The following AANAT variants were observed in gnomAD, a reference collection of about 807,000 sequenced individuals.
AANAT encodes aralkylamine N-acetyltransferase, also known as serotonin N-acetyltransferase.
AANAT carries 11 observed loss-of-function variants against 15.6 expected under a neutral mutation model. The ratio of observed to expected loss-of-function variants is 0.71; its 90% CI spans 0.44 to 1.17. AANAT has a LOEUF of 1.17. Among genes scored for constraint, AANAT ranks in the 50% most tolerant of loss-of-function variants. The pLI is 0.00. For synonymous variants in AANAT, 139 were observed against 131.5 expected, an observed-to-expected ratio of 1.06 and a Z score of -0.39; for missense variants, 286 against 296.3, an observed-to-expected ratio of 0.97 and a Z score of 0.26.
At chr17:76,458,507 G>A (rs750039370) in intron 1 of AANAT, among the ~76,000 whole-genome samples, 5 of 152,184 alleles carry the variant, frequency 3.3e-5, no homozygotes, top group African/African-American at 9.7e-5. Flanking sequence ...CCAGCCTTTC[G>A]TGGGGAATAG....
upstream of AANAT, among the ~76,000 whole-genome samples, chr17:76,465,036 A>T (rs565718509): frequency 6.6e-6 from 1 of 151,910 alleles, no homozygotes; most frequent in Non-Finnish European, 1.5e-5. Context: ...ACCTCAGGTG[A>T]TCCACCCGCC....
intron 1 of AANAT, among the ~76,000 whole-genome samples, chr17:76,457,406 G>A (rs1032582328): frequency 1.4e-4 from 21 of 152,164 alleles, no homozygotes; most frequent in African/African-American, 4.8e-4. Context: ...GTATGCCTAT[G>A]TTTGTTGTTT....
chr17:76,466,154 T>C, upstream of AANAT: 4 of 1,529,870 alleles, frequency 2.6e-6, no homozygotes, highest in Non-Finnish European at 3.5e-6. Flanking sequence ...CTGATTAGGA[T>C]TGGCCACCAG....
chr17:76,458,824 G>A (rs1237506615), intron 1 of AANAT, among the ~76,000 whole-genome samples: 1 of 152,224 alleles, frequency 6.6e-6, no homozygotes, highest in Non-Finnish European at 1.5e-5. Flanking sequence ...CCCTGGAGCA[G>A]GTGTTTGGGA....
At chr17:76,461,757 C>T (rs2073391272) in intron 2 of AANAT, among the ~76,000 whole-genome samples, 1 of 151,826 alleles carries the variant, frequency 6.6e-6, no homozygotes, top group African/African-American at 2.4e-5. Flanking sequence ...GCTGTTGGGG[C>T]AGTCAGTGCA....
At chr17:76,458,828 T>A (rs2073361834) in intron 1 of AANAT, among the ~76,000 whole-genome samples, 1 of 152,156 alleles carries the variant, frequency 6.6e-6, no homozygotes, top group Non-Finnish European at 1.5e-5. Context: ...GGAGCAGGTG[T>A]TTGGGAAGGC....
At chr17:76,467,467 A>C (rs1374003113), upstream of AANAT, 2 of 868,778 alleles carry the variant, frequency 2.3e-6, no homozygotes, top group African/African-American at 3.6e-5. Context: ...TGCCCAGGGC[A>C]CCAGAGCTGA....
chr17:76,461,353 A>G (rs2073386527), intron 2 of AANAT, among the ~76,000 whole-genome samples: 1 of 151,790 alleles, frequency 6.6e-6, no homozygotes, highest in Non-Finnish European at 1.5e-5. Context: ...CCCTCTCCAA[A>G]CACTGCCCTT....
chr17:76,459,799 C>T lies in AANAT; in HGVS notation c.-456+433C>T, dbSNP rs565918600. Among the ~76,000 whole-genome samples, 78 of 152,336 alleles carry T rather than the reference C, an allele frequency of 5.1e-4. 1 individual carries two copies. Among genetic ancestry groups the T allele is most frequent in the Middle Eastern group, 6.8e-3 (2 of 294 alleles). ...ACTGTAACTGACCAACTGAATATAA[C>T]GTGCTTTGCCCAGTGAGTGCATGAT... is the stretch of plus-strand genomic sequence containing the variant. On this transcript the variant is annotated intron_variant, in intron 2 of 6. Transcript: ENST00000250615.
chr17:76,460,129 A>ATTTTTTTTTTTTTT lies in AANAT; in HGVS notation c.-456+763_-456+764insTTTTTTTTTTTTTT, dbSNP rs1567863927. ...CCAGCCTCAGTCACCTACTTCAGGA[A>ATTTTTTTTTTTTTT]ATTTTTTTTTTTTTTTTTTTTTTTT... is the stretch of plus-strand genomic sequence containing the variant. On this transcript the variant is annotated intron_variant, in intron 2 of 6. Coordinates refer to the AANAT transcript ENST00000250615. Among the ~76,000 whole-genome samples, 3 of 82,888 alleles carry ATTTTTTTTTTTTTT rather than the reference A, an allele frequency of 3.6e-5. 1 individual carries two copies. The highest frequency in any genetic ancestry group is 7.0e-5 in the Non-Finnish European group (3 of 43,050). The allele number at this position is 82,888 out of a possible 152,430, so 54.4% of individuals were successfully genotyped here.
At chr17:76,463,598 G>A (rs60337156), upstream of AANAT, among the ~76,000 whole-genome samples, 6 of 151,948 alleles carry the variant, frequency 3.9e-5, no homozygotes, top group South Asian at 6.2e-4. Flanking sequence ...GTGAGCCACC[G>A]TGCCCGGCCT....
chr17:76,454,530 T>C (rs1371994495), intron 1 of AANAT, among the ~76,000 whole-genome samples: 3 of 151,024 alleles, frequency 2.0e-5, no homozygotes, highest in African/African-American at 7.3e-5. Flanking sequence ...AAAGTAACTC[T>C]AGGGCCAGGC....
chr17:76,464,199 A>G (rs1051503449), upstream of AANAT, among the ~76,000 whole-genome samples: 33 of 152,170 alleles, frequency 2.2e-4, no homozygotes, highest in Non-Finnish European at 3.2e-4. Context: ...AAAATTAGCC[A>G]GGCATGGTGG....
At chr17:76,454,540 C>T (rs1194098731) in intron 1 of AANAT, among the ~76,000 whole-genome samples, 4 of 151,962 alleles carry the variant, frequency 2.6e-5, no homozygotes, top group South Asian at 2.1e-4. Flanking sequence ...TAGGGCCAGG[C>T]GTGGTGGCTC....
chr17:76,457,065 C>T (rs1227235211), intron 1 of AANAT, among the ~76,000 whole-genome samples: 1 of 152,090 alleles, frequency 6.6e-6, no homozygotes, highest in Non-Finnish European at 1.5e-5. Context: ...TGTTTCATGG[C>T]AGGGTCTCAC....
At chr17:76,456,945 A>C (rs1026437167) in intron 1 of AANAT, among the ~76,000 whole-genome samples, 1 of 152,134 alleles carries the variant, frequency 6.6e-6, no homozygotes, top group African/African-American at 2.4e-5. Flanking sequence ...TTTTGTAGTT[A>C]TGCTATTTCT....
At chr17:76,459,389 T>C (rs994211171) in intron 2 of AANAT, 1 of 152,236 alleles carries the variant, frequency 6.6e-6, no homozygotes, top group Non-Finnish European at 1.5e-5. Context: ...CTCATCATCT[T>C]TTCCTCAAAT....
upstream of AANAT, among the ~76,000 whole-genome samples, chr17:76,462,953 C>T (rs1598637417): frequency 6.6e-6 from 1 of 152,348 alleles, no homozygotes; most frequent in East Asian, 1.9e-4. Flanking sequence ...CCTTGGTCTG[C>T]CCCAAATGGG....
intron 1 of AANAT, among the ~76,000 whole-genome samples, chr17:76,454,237 G>A (rs982619107): frequency 2.6e-5 from 4 of 152,038 alleles, no homozygotes; most frequent in Non-Finnish European, 2.9e-5. Context: ...AGTACTTTGG[G>A]AGGCTGAGGT....
Sources: gnomAD v4.1 joint callset for allele counts (sites outside exome capture counted in the v4.1 genomes callset) on GRCh38, gnomAD v4.1.1 for gene constraint, MANE v1.5 for transcripts, NCBI Gene and HGNC (gene_info 2026-07-23, HGNC 2026-07-21) for gene names.